CSNK1G1: variants seen among roughly 807,000 people sequenced by gnomAD.
CSNK1G1 encodes the protein casein kinase 1 gamma 1.
CSNK1G1 carries 22 observed loss-of-function variants against 59.6 expected under a neutral mutation model. The observed-to-expected ratio is 0.37, with a 90% CI of 0.26 to 0.53. The LOEUF (loss-of-function observed/expected upper bound fraction) is 0.53. CSNK1G1 is among the 20% of genes least tolerant of loss of function. The pLI is 0.89. For missense variants in CSNK1G1, 384 were observed against 519.5 expected (o/e 0.74, Z 2.54); for synonymous variants, 179 against 177.1 (o/e 1.01, Z -0.08).
chr15:64,179,297 A>G (rs1033056385), intron 11 of CSNK1G1, among the ~76,000 whole-genome samples: 5 of 152,184 alleles, frequency 3.3e-5, no homozygotes, highest in Non-Finnish European at 2.9e-5. Context: ...AATAGGCAGG[A>G]AAGACAACAA....
chr15:64,283,712 A>G (rs1894265348), intron 2 of CSNK1G1, among the ~76,000 whole-genome samples: 1 of 152,106 alleles, frequency 6.6e-6, no homozygotes. Context: ...CAAACTCCTG[A>G]CCTCAAGTGA....
At chr15:64,324,902 G>C (rs999217906) in intron 1 of CSNK1G1, among the ~76,000 whole-genome samples, 1 of 152,128 alleles carries the variant, frequency 6.6e-6, no homozygotes, top group South Asian at 2.1e-4. Flanking sequence ...TAGGGAATAA[G>C]TACATTTTCA....
intron 4 of CSNK1G1, among the ~76,000 whole-genome samples, chr15:64,221,709 G>A (rs2082390575): frequency 6.6e-6 from 1 of 151,776 alleles, no homozygotes; most frequent in Admixed American, 6.6e-5. Flanking sequence ...TAAAGAGGAG[G>A]GGGTTTACAC....
intron 1 of CSNK1G1, among the ~76,000 whole-genome samples, chr15:64,351,684 G>C (rs1220828409): frequency 6.6e-6 from 1 of 152,180 alleles, no homozygotes; most frequent in Admixed American, 6.5e-5. Context: ...TTCAAGACCA[G>C]CGTGGCCAAC....
At chr15:64,219,012 G>A (rs962425823) in intron 4 of CSNK1G1, among the ~76,000 whole-genome samples, 4 of 151,536 alleles carry the variant, frequency 2.6e-5, no homozygotes, top group Non-Finnish European at 5.9e-5. Context: ...ACACCACCAC[G>A]CCCAGCTAAT....
chr15:64,292,893 A>G (rs977187792), intron 2 of CSNK1G1, among the ~76,000 whole-genome samples: 8 of 152,108 alleles, frequency 5.3e-5, no homozygotes, highest in African/African-American at 1.9e-4. Context: ...GCGCCACTGC[A>G]CTCCAGCCTG....
chr15:64,181,446 G>T (rs1022986483), intron 10 of CSNK1G1: 1 of 1,511,468 alleles, frequency 6.6e-7, no homozygotes, highest in Non-Finnish European at 8.8e-7. Flanking sequence ...ACATGGGAGA[G>T]AACACAAAAT....
chr15:64,189,484 CA>C, intron 10 of CSNK1G1: 1 of 1,227,286 alleles, frequency 8.1e-7, no homozygotes, highest in Non-Finnish European at 1.0e-6. Flanking sequence ...TAAGGCTCTA[CA>C]AAAATGAAAA....
At chr15:64,186,253 C>T (rs1171176833) in intron 10 of CSNK1G1, among the ~76,000 whole-genome samples, 2 of 152,080 alleles carry the variant, frequency 1.3e-5, no homozygotes, top group Non-Finnish European at 2.9e-5. Context: ...ACTACAGGTA[C>T]CCACCACCAC....
chr15:64,213,472 A>G (rs1359017274), intron 6 of CSNK1G1, among the ~76,000 whole-genome samples: 1 of 152,232 alleles, frequency 6.6e-6, no homozygotes, highest in Non-Finnish European at 1.5e-5. Context: ...ACTTCTGTGC[A>G]GAACTATGTG....
intron 4 of CSNK1G1, among the ~76,000 whole-genome samples, chr15:64,238,593 A>C (rs1195456987): frequency 5.5e-5 from 8 of 144,874 alleles, no homozygotes; most frequent in African/African-American, 1.8e-4. Context: ...GTGTGACTTT[A>C]GGTAAGTTAC....
At chr15:64,263,822 CA>C (rs869123397) in intron 2 of CSNK1G1, among the ~76,000 whole-genome samples, 2,419 of 53,860 alleles carry the variant, frequency 0.045, 6 homozygotes, top group African/African-American at 0.087. Flanking sequence ...TTTTGTTTAC[CA>C]AAAAAAAAAA....
At chr15:64,207,623 G>A in intron 6 of CSNK1G1, 29 bp from the exon 7 acceptor site, 4 of 1,555,036 alleles carry the variant, frequency 2.6e-6, no homozygotes, top group Non-Finnish European at 3.6e-6. Context: ...CACACATTAT[G>A]TTTGCAGTTA....
At chr15:64,295,294 G>A (rs752684852) in intron 2 of CSNK1G1, among the ~76,000 whole-genome samples, 14 of 152,060 alleles carry the variant, frequency 9.2e-5, no homozygotes, top group Non-Finnish European at 1.8e-4. Context: ...CACTGCTCGA[G>A]GTCATCACCA....
chr15:64,224,409 T>A (rs1488032159), intron 4 of CSNK1G1, among the ~76,000 whole-genome samples: 1 of 152,152 alleles, frequency 6.6e-6, no homozygotes, highest in Non-Finnish European at 1.5e-5. Flanking sequence ...TGTTATTCCA[T>A]TGTAAGTAAC....
intron 1 of CSNK1G1, among the ~76,000 whole-genome samples, chr15:64,305,362 GAC>G (rs1895617651): frequency 6.6e-6 from 1 of 152,052 alleles, no homozygotes; most frequent in Admixed American, 6.6e-5. Flanking sequence ...CAAATTAAAA[GAC>G]ACTGTAGGAC....
intron 1 of CSNK1G1, among the ~76,000 whole-genome samples, chr15:64,315,178 G>GA (rs1265451359): frequency 6.6e-6 from 1 of 152,178 alleles, no homozygotes; most frequent in Non-Finnish European, 1.5e-5. Context: ...ACACTGTTGT[G>GA]AAAACATAAA....
chr15:64,331,617 G>T (rs1445654191), intron 1 of CSNK1G1, among the ~76,000 whole-genome samples: 1 of 124,662 alleles, frequency 8.0e-6, no homozygotes, highest in East Asian at 2.3e-4. Context: ...ATAGGCATGG[G>T]CAAGGACTTC....
At chr15:64,311,141 C>G (rs1895975102) in intron 1 of CSNK1G1, among the ~76,000 whole-genome samples, 1 of 152,002 alleles carries the variant, frequency 6.6e-6, no homozygotes, top group Non-Finnish European at 1.5e-5. Context: ...GCAACTTCCA[C>G]CTCCCGGGAT....
Sources: gnomAD v4.1 joint callset for allele counts (sites outside exome capture counted in the v4.1 genomes callset) on GRCh38, gnomAD v4.1.1 for gene constraint, MANE v1.5 for transcripts, NCBI Gene and HGNC (gene_info 2026-07-23, HGNC 2026-07-21) for gene names.